ATP8A2: variants seen among roughly 807,000 people sequenced by gnomAD.
ATP8A2 encodes ATPase phospholipid transporting 8A2.
In ATP8A2, 100 loss-of-function variants were observed where a neutral mutation model predicts 165.6. The observed-to-expected ratio is 0.60, with a 90% CI of 0.51 to 0.71. ATP8A2 has a LOEUF of 0.71. Ranked by LOEUF, ATP8A2 falls within the 30% of genes least tolerant of loss-of-function variation. ATP8A2 has a pLI of 0.00. For missense variants in ATP8A2, 1,227 were observed against 1,479.5 expected (o/e 0.83, Z 2.80); for synonymous variants, 543 against 548.8 (o/e 0.99, Z 0.15).
At chr13:25,425,860 G>A (rs2034436733) in intron 1 of ATP8A2, among the ~76,000 whole-genome samples, 1 of 152,206 alleles carries the variant, frequency 6.6e-6, no homozygotes, top group African/African-American at 2.4e-5. Flanking sequence ...ACAGGCGTGA[G>A]CCACTGCGCC....
At chr13:25,685,409 A>T (rs1453255097) in intron 24 of ATP8A2, among the ~76,000 whole-genome samples, 2 of 152,226 alleles carry the variant, frequency 1.3e-5, no homozygotes, top group African/African-American at 4.8e-5. Flanking sequence ...ATTGTGAAAG[A>T]GTCAGCCAGG....
intron 27 of ATP8A2, among the ~76,000 whole-genome samples, chr13:25,775,639 A>C (rs2044724958): frequency 6.6e-6 from 1 of 152,120 alleles, no homozygotes; most frequent in Admixed American, 6.5e-5. Context: ...AAGTCACTTC[A>C]TGTTTGCTAT....
At chr13:25,433,582 G>C (rs2034673197) in intron 1 of ATP8A2, among the ~76,000 whole-genome samples, 1 of 152,144 alleles carries the variant, frequency 6.6e-6, no homozygotes, top group South Asian at 2.1e-4. Context: ...CCTCAGGTCT[G>C]TTTTTCAAGT....
At chr13:25,812,914 A>G (rs1316335587) in intron 27 of ATP8A2, among the ~76,000 whole-genome samples, 1 of 152,178 alleles carries the variant, frequency 6.6e-6, no homozygotes, top group African/African-American at 2.4e-5. Context: ...AAGGAATGAG[A>G]TCATGTCCTT....
Position 25,517,513 on chromosome 13 carries a change from G to A in ATP8A2, c.222-12486G>A, listed in dbSNP as rs188938134. 1.9e-3 allele frequency among the ~76,000 whole-genome samples: 286 copies of A among 152,284 alleles called. 1 individual carries two copies. Among genetic ancestry groups the A allele is most frequent in the African/African-American group, 6.4e-3 (264 of 41,550 alleles). On this transcript the variant is annotated intron_variant, in intron 2 of 36. Coordinates refer to ENST00000381655, the MANE Select transcript of ATP8A2 (RefSeq NM_016529.6). ...GAACAGATTTGGAAATCTGATAGGA[G>A]CAGGACAGTCACACTATTTAATAGG... is the stretch of plus-strand genomic sequence containing the variant.
intron 27 of ATP8A2, among the ~76,000 whole-genome samples, chr13:25,817,119 G>A (rs924003049): frequency 1.3e-5 from 2 of 152,130 alleles, no homozygotes; most frequent in African/African-American, 4.8e-5. Flanking sequence ...ATCCTAACCA[G>A]TGACCTCCAG....
intron 30 of ATP8A2, among the ~76,000 whole-genome samples, chr13:25,856,440 A>T (rs1952168171): frequency 6.6e-6 from 1 of 152,166 alleles, no homozygotes; most frequent in Non-Finnish European, 1.5e-5. Flanking sequence ...TAATAGATAC[A>T]ATGCACATTG....
At chr13:25,418,472 AT>A (rs796524734) in intron 1 of ATP8A2, among the ~76,000 whole-genome samples, 4 of 139,066 alleles carry the variant, frequency 2.9e-5, no homozygotes, top group South Asian at 2.3e-4. Flanking sequence ...GTTAAAGGAT[AT>A]TTTTTTTTCC....
At chr13:25,569,764 A>G (rs2039413508) in intron 16 of ATP8A2, among the ~76,000 whole-genome samples, 1 of 152,232 alleles carries the variant, frequency 6.6e-6, no homozygotes, top group Non-Finnish European at 1.5e-5. Flanking sequence ...AACTTACAAA[A>G]ATCAATGTTT....
rs184075994 is a variant in ATP8A2 at position 25,409,212 on chromosome 13, A to G, written c.76+36924A>G. ...ACTGAAGTATTGACTTAAAGTCTGC[A>G]GGCTCAGTAATAATGTCTATTGTGT... is the stretch of plus-strand genomic sequence containing the variant. On this transcript the variant is annotated intron_variant, in intron 1 of 36. Coordinates refer to ENST00000381655, the MANE Select transcript of ATP8A2 (RefSeq NM_016529.6). 6.4e-4 allele frequency among the ~76,000 whole-genome samples: 97 copies of G among 152,304 alleles called. 3 individuals are homozygous for G. The East Asian group carries it at 8.1e-3, about 13-fold the overall frequency.
intron 24 of ATP8A2, among the ~76,000 whole-genome samples, chr13:25,622,327 A>C (rs1428148014): frequency 6.6e-6 from 1 of 152,160 alleles, no homozygotes; most frequent in African/African-American, 2.4e-5. Flanking sequence ...GGGGAAGCAA[A>C]GAAATGGAAA....
intron 30 of ATP8A2, among the ~76,000 whole-genome samples, chr13:25,849,416 T>C (rs1230079003): frequency 3.3e-5 from 5 of 152,264 alleles, no homozygotes; most frequent in Admixed American, 6.5e-5. Flanking sequence ...TGGATGATGA[T>C]GTAATGTTTT....
chr13:25,531,236 A>T (rs57322963), intron 4 of ATP8A2, among the ~76,000 whole-genome samples: 18 of 100,080 alleles, frequency 1.8e-4, no homozygotes, highest in African/African-American at 6.9e-4. Context: ...GTTATATATG[A>T]TATATATGTT....
chr13:25,452,758 C>G (rs563027620), intron 1 of ATP8A2, among the ~76,000 whole-genome samples: 2 of 152,152 alleles, frequency 1.3e-5, no homozygotes, highest in South Asian at 4.2e-4. Context: ...TGAAATTAAA[C>G]GTTTAATTTT....
chr13:25,416,110 G>A (rs558873588), intron 1 of ATP8A2, among the ~76,000 whole-genome samples: 1 of 152,146 alleles, frequency 6.6e-6, no homozygotes, highest in Admixed American at 6.5e-5. Flanking sequence ...TAGCAGGCAT[G>A]AGCCACTACA....
chr13:25,589,593 A>C, intron 23 of ATP8A2, 42 bp from the exon 24 acceptor site: 1 of 1,497,976 alleles, frequency 6.7e-7, no homozygotes. Flanking sequence ...GAGCTCACAG[A>C]AGGAAAGAGA....
At chr13:25,473,786 A>G (rs1368422062) in intron 2 of ATP8A2, among the ~76,000 whole-genome samples, 1 of 152,224 alleles carries the variant, frequency 6.6e-6, no homozygotes, top group African/African-American at 2.4e-5. Flanking sequence ...GTTAAATATT[A>G]AATGCTTACA....
At chr13:25,493,552 G>T (rs767597003) in intron 2 of ATP8A2, among the ~76,000 whole-genome samples, 29 of 152,272 alleles carry the variant, frequency 1.9e-4, no homozygotes, top group Non-Finnish European at 2.1e-4. Context: ...TGCGGGAACC[G>T]GAAGTGAAGA....
At chr13:25,494,525 A>G (rs2036616684) in intron 2 of ATP8A2, among the ~76,000 whole-genome samples, 2 of 152,160 alleles carry the variant, frequency 1.3e-5, no homozygotes, top group African/African-American at 4.8e-5. Context: ...AAAAGAGAGG[A>G]GACTGTGGGG....
Sources: gnomAD v4.1 joint callset for allele counts (sites outside exome capture counted in the v4.1 genomes callset) on GRCh38, gnomAD v4.1.1 for gene constraint, MANE v1.5 for transcripts, NCBI Gene and HGNC (gene_info 2026-07-23, HGNC 2026-07-21) for gene names.